The following HIF3A variants were observed in gnomAD, a reference collection of about 807,000 sequenced individuals.
HIF3A encodes hypoxia-inducible factor 3-alpha.
A neutral mutation model predicts 67.2 loss-of-function variants in HIF3A; 41 were observed. The ratio of observed to expected loss-of-function variants is 0.61; its 90% CI spans 0.48 to 0.79. The LOEUF (loss-of-function observed/expected upper bound fraction) is 0.79. Ranked by LOEUF, HIF3A falls within the 30% of genes least tolerant of loss-of-function variation. The pLI, the probability that HIF3A is intolerant of heterozygous loss-of-function variation, is 0.00. For synonymous variants in HIF3A, 356 were observed against 374.8 expected (o/e 0.95, Z 0.58); for missense variants, 855 against 898.0 (o/e 0.95, Z 0.61).
chr19:46,322,148 A>G (rs756000336), intron 10 of HIF3A, among the ~76,000 whole-genome samples, 182 bp downstream of exon 10: 1 of 152,154 alleles, frequency 6.6e-6, no homozygotes, highest in Admixed American at 6.6e-5. Flanking sequence ...TTCAATTGTT[A>G]GAATTCCAGA....
At chr19:46,335,468 C>T (rs1397204098) in intron 14 of HIF3A, among the ~76,000 whole-genome samples, 3 of 152,084 alleles carry the variant, frequency 2.0e-5, no homozygotes, top group Non-Finnish European at 4.4e-5. Context: ...TGAGGTTTCG[C>T]CATGTTGGCC....
chr19:46,321,978 C>T lies in HIF3A; in HGVS notation c.1335+12C>T. ...AAAGTCCTCTTTCGGTAAGCCATCCCACCCATGTGAGCCCTCAGCATCCAG... is the reference window on the plus strand; with the variant it reads ...AAAGTCCTCTTTCGGTAAGCCATCCTACCCATGTGAGCCCTCAGCATCCAG... On this transcript the variant is annotated intron_variant, in intron 10 of 14. Coordinates refer to ENST00000377670, the MANE Select transcript of HIF3A (RefSeq NM_152795.4). 6.2e-7 allele frequency: 1 copy of T among 1,612,750 alleles called. No individual in the cohort carries two copies. The highest frequency in any genetic ancestry group is 1.7e-5 in the Admixed American group (1 of 59,972).
Position 46,338,531 on chromosome 19 carries a change from C to T in HIF3A, c.1913-994C>T, listed in dbSNP as rs1459745950. The T allele has an allele frequency of 1.1e-5, 12 of 1,136,814 alleles. No individual in the cohort carries two copies. In the African/African-American group the frequency reaches 2.0e-4, roughly 19 times the overall value. 70.4% of individuals were successfully genotyped at this position (1,136,814 alleles called of 1,614,324 possible). ...AATATGTTTTGAATGAATAAACTCT[C>T]ATAAATGAAGTATGTGTGAGTATCC... On this transcript the variant is annotated intron_variant, in intron 14 of 14. Coordinates refer to ENST00000377670, the MANE Select transcript of HIF3A (RefSeq NM_152795.4).
At chr19:46,329,066 A>C (rs1320435786) in intron 11 of HIF3A, 141 bp from the exon 12 acceptor site, 13 of 745,260 alleles carry the variant, frequency 1.7e-5, no homozygotes, top group Non-Finnish European at 2.6e-5. Flanking sequence ...GGGAGTCCTT[A>C]TACCCATTTT....
intron 3 of HIF3A, among the ~76,000 whole-genome samples, chr19:46,307,572 A>C (rs1601222027): frequency 6.6e-6 from 1 of 152,062 alleles, no homozygotes; most frequent in Non-Finnish European, 1.5e-5. Context: ...ACATGGTGAA[A>C]CCCCGTCTCT....
chr19:46,339,682 C>T lies in HIF3A; in HGVS notation c.*60C>T, dbSNP rs974068421. On this transcript the variant is annotated 3_prime_UTR_variant, in exon 15 of 15. Coordinates refer to ENST00000377670, the MANE Select transcript of HIF3A (RefSeq NM_152795.4). Reference sequence around the variant, plus strand: ...CAGAAAGGACCTCAACCACACTCCACGCCGGCAGCCAACGCACAGGATGGG... The same window carrying T: ...CAGAAAGGACCTCAACCACACTCCATGCCGGCAGCCAACGCACAGGATGGG... The T allele has an allele frequency of 7.1e-6, 9 of 1,267,262 alleles. No homozygotes were observed. Among genetic ancestry groups the T allele is most frequent in the East Asian group, 4.9e-5 (2 of 41,114 alleles). 78.5% of individuals were successfully genotyped at this position (1,267,262 alleles called of 1,614,324 possible).
chr19:46,331,855 CAAAAAAAA>C (rs532285027), intron 13 of HIF3A, among the ~76,000 whole-genome samples: 1 of 51,282 alleles, frequency 1.9e-5, no homozygotes, highest in Non-Finnish European at 4.2e-5. Flanking sequence ...AACTCCGTCT[CAAAAAAAA>C]AAAAAAAAAA....
intron 13 of HIF3A, among the ~76,000 whole-genome samples, chr19:46,333,725 A>G (rs1971399761): frequency 7.1e-6 from 1 of 141,106 alleles, no homozygotes; most frequent in Admixed American, 7.0e-5. Context: ...CTTTGGATAT[A>G]TATTTTTTTC....
Position 46,308,217 on chromosome 19 carries a change from G to T in HIF3A, c.364-4G>T. 6.2e-7 allele frequency: 1 copy of T among 1,612,054 alleles called. No individual in the cohort carries two copies. Among genetic ancestry groups the T allele is most frequent in the Non-Finnish European group, 8.5e-7 (1 of 1,178,210 alleles). On this transcript the variant is annotated splice_region_variant and splice_polypyrimidine_tract_variant and intron_variant, in intron 3 of 14. Coordinates refer to ENST00000377670, the MANE Select transcript of HIF3A (RefSeq NM_152795.4). ...TAGACCCCCACCCCTCTCATCCCTG[G>T]CAGCTGGAGCTCATTGGACACAGCA...
intron 13 of HIF3A, among the ~76,000 whole-genome samples, chr19:46,333,815 CAG>C (rs1971418859): frequency 1.3e-5 from 1 of 76,990 alleles, no homozygotes. Context: ...TTTTTTGAGA[CAG>C]AGTCTCACTC....
chr19:46,303,810 G>A, intron 1 of HIF3A, 88 bp from the exon 2 acceptor site: 1 of 1,515,140 alleles, frequency 6.6e-7, no homozygotes, highest in Admixed American at 2.0e-5. Flanking sequence ...ACGAGCCCCG[G>A]CCCCACGTGG....
chr19:46,329,122 A>G (rs1235993241), intron 11 of HIF3A, 85 bp from the exon 12 acceptor site: 3 of 1,321,086 alleles, frequency 2.3e-6, no homozygotes, highest in East Asian at 2.4e-5. Flanking sequence ...CAGGCACAGA[A>G]CTCAGAAGTG....
Position 46,308,723 on chromosome 19 carries a change from G to C in HIF3A, c.509G>C (p.Ser170Thr), listed in dbSNP as rs764928348. The C allele has an allele frequency of 1.2e-6, 2 of 1,611,492 alleles. No individual in the cohort carries two copies. Among genetic ancestry groups the C allele is most frequent in the Admixed American group, 3.3e-5 (2 of 59,782 alleles). ...CGGTGCTTCTCCTTGCGCATGAAGA[G>C]TACACTCACCAGCCGCGGGCGCACC... ...TERCFSLRMK[S>T]TLTSRGRTLN... Residue 170 changes from serine (S) to threonine (T), a missense_variant, in exon 5 of 15, where the codon AGT becomes ACT. Ser to Thr is a moderately conservative substitution (Grantham distance 58). Coordinates refer to ENST00000377670, the MANE Select transcript of HIF3A (RefSeq NM_152795.4).
chr19:46,334,311 CG>C (rs1971459417), intron 13 of HIF3A, among the ~76,000 whole-genome samples: 1 of 151,964 alleles, frequency 6.6e-6, no homozygotes, highest in African/African-American at 2.4e-5. Flanking sequence ...AGGCTGGTCT[CG>C]AACTCCTGAC....
intron 1 of HIF3A, among the ~76,000 whole-genome samples, chr19:46,302,366 G>A (rs1185348461): frequency 6.6e-6 from 1 of 152,038 alleles, no homozygotes; most frequent in Non-Finnish European, 1.5e-5. Flanking sequence ...TCCTGACCTC[G>A]TGATCCGCCC....
At chr19:46,320,976 C>T (rs183068027) in intron 9 of HIF3A, among the ~76,000 whole-genome samples, 4 of 152,316 alleles carry the variant, frequency 2.6e-5, no homozygotes, top group Non-Finnish European at 4.4e-5. Context: ...TCTTCCTTCA[C>T]TCTCCTGCCA....
chr19:46,312,946 A>G, intron 8 of HIF3A: 1 of 1,056,798 alleles, frequency 9.5e-7, no homozygotes, highest in Non-Finnish European at 1.1e-6. Context: ...TGTTAATTCA[A>G]ATTAGAAAGG....
At chr19:46,325,479 T>C in intron 10 of HIF3A, 56 bp from the exon 11 acceptor site, 1 of 1,260,772 alleles carries the variant, frequency 7.9e-7, no homozygotes, top group Non-Finnish European at 1.2e-6. Context: ...ACTGTCTTAA[T>C]GTTGATACCT....
At chr19:46,322,101 T>C (rs1471648859) in intron 10 of HIF3A, 135 bp downstream of exon 10, 2 of 856,680 alleles carry the variant, frequency 2.3e-6, no homozygotes, top group Non-Finnish European at 1.8e-6. Context: ...TGGGATGAGA[T>C]GGGGTTGAGG....
Sources: allele counts gnomAD v4.1 joint callset (sites outside exome capture counted in the v4.1 genomes callset), GRCh38; gene constraint gnomAD v4.1.1; transcripts MANE v1.5; gene names NCBI Gene and HGNC (gene_info 2026-07-23, HGNC 2026-07-21).